The following UNC13C variants were observed in gnomAD, a reference collection of about 807,000 sequenced individuals.
The protein encoded by UNC13C is unc-13 homolog C.
In UNC13C, 174 loss-of-function variants were observed where a neutral mutation model predicts 245.4. The ratio of observed to expected loss-of-function variants is 0.71; its 90% CI spans 0.63 to 0.80. The LOEUF is 0.80. UNC13C is among the 30% of genes least tolerant of loss of function. UNC13C has a pLI of 0.00. For synonymous variants in UNC13C, 992 were observed against 895.1 expected, an observed-to-expected ratio of 1.11 and a Z score of -1.93; for missense variants, 2,829 against 2,602.9, an observed-to-expected ratio of 1.09 and a Z score of -1.89.
At chr15:54,352,426 A>G (rs911054995) in intron 17 of UNC13C, among the ~76,000 whole-genome samples, 8 of 150,712 alleles carry the variant, frequency 5.3e-5, no homozygotes, top group Admixed American at 5.3e-4. Flanking sequence ...ATTCATCACC[A>G]GCAACAAAAT....
chr15:53,867,895 C>T, the UNC13C span, among the ~76,000 whole-genome samples: 1 of 152,050 alleles, frequency 6.6e-6, no homozygotes, highest in Non-Finnish European at 1.5e-5. Flanking sequence ...CAGTGGTGCT[C>T]CCATGCCTCA....
At chr15:54,061,119 A>T (rs1454845675) in intron 2 of UNC13C, among the ~76,000 whole-genome samples, 1 of 2,784 alleles carries the variant, frequency 3.6e-4, no homozygotes. Context: ...AAGTATAATA[A>T]TAATAAAAAA....
At chr15:54,391,897 C>T (rs1474187577) in intron 17 of UNC13C, among the ~76,000 whole-genome samples, 2 of 151,986 alleles carry the variant, frequency 1.3e-5, no homozygotes, top group Non-Finnish European at 2.9e-5. Flanking sequence ...TCATGATTTG[C>T]ACTGGAACAT....
the UNC13C span, among the ~76,000 whole-genome samples, chr15:53,938,427 A>G: frequency 6.6e-6 from 1 of 151,904 alleles, no homozygotes; most frequent in South Asian, 2.1e-4. Flanking sequence ...ATAACACCTC[A>G]CTGACAATAC....
intron 2 of UNC13C, among the ~76,000 whole-genome samples, chr15:54,073,983 G>T (rs1898462722): frequency 6.6e-6 from 1 of 152,152 alleles, no homozygotes; most frequent in South Asian, 2.1e-4. Context: ...TATTGCCTAG[G>T]TTTTCTTCTA....
At chr15:53,928,592 T>TAA in the UNC13C span, among the ~76,000 whole-genome samples, 5 of 149,952 alleles carry the variant, frequency 3.3e-5, no homozygotes, top group African/African-American at 9.8e-5. Context: ...TCTAACTATG[T>TAA]AAAAAAAAAA....
At chr15:54,611,834 C>T (rs1162222622) in intron 30 of UNC13C, among the ~76,000 whole-genome samples, 1 of 151,846 alleles carries the variant, frequency 6.6e-6, no homozygotes, top group Non-Finnish European at 1.5e-5. Context: ...AAAAATTAAG[C>T]TTGTGTTATA....
chr15:54,539,270 T>A (rs777039588), intron 26 of UNC13C, among the ~76,000 whole-genome samples: 1 of 152,016 alleles, frequency 6.6e-6, no homozygotes, highest in Non-Finnish European at 1.5e-5. Context: ...TTAAGCCTTA[T>A]GTTTTGTTCT....
At chr15:54,278,246 A>G (rs1391773826) in intron 10 of UNC13C, among the ~76,000 whole-genome samples, 1 of 152,098 alleles carries the variant, frequency 6.6e-6, no homozygotes, top group Admixed American at 6.6e-5. Flanking sequence ...CCTTATGAGT[A>G]TGGATCTTGT....
rs552329073 is a variant in UNC13C at position 54,537,200 on chromosome 15, C to T, written c.5696+4134C>T. ...CACCAACAGCATCCAAACTGAGAGC[C>T]AAATCGAGAACACAGTTCCATTCAC... On this transcript the variant is annotated intron_variant, in intron 26 of 32. Coordinates refer to ENST00000260323, the MANE Select transcript of UNC13C (RefSeq NM_001080534.3). 2.0e-5 allele frequency among the ~76,000 whole-genome samples: 3 copies of T among 152,046 alleles called. No individual in the cohort carries two copies. In the East Asian group the frequency reaches 5.8e-4, roughly 29 times the overall value.
chr15:54,247,491 T>C (rs2140858479), intron 7 of UNC13C, among the ~76,000 whole-genome samples: 1 of 152,290 alleles, frequency 6.6e-6, no homozygotes, highest in African/African-American at 2.4e-5. Flanking sequence ...ACTCAACATA[T>C]ACTTTGCTGA....
At chr15:54,372,190 A>T (rs2140884619) in intron 17 of UNC13C, among the ~76,000 whole-genome samples, 1 of 152,290 alleles carries the variant, frequency 6.6e-6, no homozygotes, top group East Asian at 1.9e-4. Flanking sequence ...ATATCAAAAC[A>T]TCATATTGTG....
At chr15:54,390,732 T>C (rs1224490295) in intron 17 of UNC13C, among the ~76,000 whole-genome samples, 1 of 152,060 alleles carries the variant, frequency 6.6e-6, no homozygotes, top group Non-Finnish European at 1.5e-5. Flanking sequence ...ATTTTTCCAA[T>C]CATAAGGTTA....
intron 19 of UNC13C, among the ~76,000 whole-genome samples, chr15:54,482,853 A>G (rs1032697600): frequency 1.3e-5 from 2 of 152,210 alleles, no homozygotes; most frequent in Non-Finnish European, 2.9e-5. Context: ...TTTAAATATG[A>G]ACATAGTTAT....
chr15:53,854,421 G>A, the UNC13C span, among the ~76,000 whole-genome samples: 1 of 151,974 alleles, frequency 6.6e-6, no homozygotes, highest in Admixed American at 6.6e-5. Flanking sequence ...GCCTGGCCAA[G>A]TTTTGGGTTT....
intron 17 of UNC13C, among the ~76,000 whole-genome samples, chr15:54,357,437 T>G (rs750577024): frequency 1.3e-5 from 2 of 152,092 alleles, no homozygotes; most frequent in African/African-American, 4.8e-5. Flanking sequence ...CATGAAATAT[T>G]AAATTTGAAA....
chr15:54,138,006 A>G (rs774146850), intron 2 of UNC13C, among the ~76,000 whole-genome samples: 15 of 151,840 alleles, frequency 9.9e-5, no homozygotes, highest in Admixed American at 3.9e-4. Context: ...AAGTTTTGGT[A>G]TATTGTGTTT....
Position 54,546,710 on chromosome 15 carries a change from T to TATA in UNC13C, c.5697-12_5697-11insATA, listed in dbSNP as rs771303394. On this transcript the variant is annotated splice_polypyrimidine_tract_variant and intron_variant, in intron 26 of 32. Coordinates refer to ENST00000260323, the MANE Select transcript of UNC13C (RefSeq NM_001080534.3). ...ATTTAAAAGTGAATATATATATATA[T>TATA]TTTTTTTTCAGATTAAGTCTCTCAG... 30 of 1,346,234 alleles carry TATA rather than the reference T, an allele frequency of 2.2e-5. No individual in the cohort carries two copies. The African/African-American group carries it at 3.7e-4, about 17-fold the overall frequency. The allele number at this position is 1,346,234 out of a possible 1,614,324, so 83.4% of individuals were successfully genotyped here. A position where few individuals can be genotyped will look rare whatever the true frequency, so the allele number is the denominator to read the frequency against.
intron 2 of UNC13C, among the ~76,000 whole-genome samples, chr15:54,022,475 C>G (rs1895943203): frequency 6.6e-6 from 1 of 152,068 alleles, no homozygotes; most frequent in South Asian, 2.1e-4. Flanking sequence ...AGCCCAGCCT[C>G]TTTGTGGTTT....
Sources: allele counts gnomAD v4.1 joint callset (sites outside exome capture counted in the v4.1 genomes callset), GRCh38; gene constraint gnomAD v4.1.1; transcripts MANE v1.5; gene names NCBI Gene and HGNC (gene_info 2026-07-23, HGNC 2026-07-21).